Variants in MAST3 observed in about 807,000 individuals in gnomAD.
The protein encoded by MAST3 is microtubule-associated serine/threonine-protein kinase 3.
Under a neutral mutation model 127.0 loss-of-function variants are expected in MAST3, and 43 were observed. The ratio of observed to expected loss-of-function variants is 0.34; its 90% CI spans 0.27 to 0.44. The LOEUF (loss-of-function observed/expected upper bound fraction) is 0.44, where lower values mean the gene tolerates loss of function less well. Among genes scored for constraint, MAST3 ranks in the 20% least tolerant of loss-of-function variants. MAST3 has a pLI of 1.00. For synonymous variants in MAST3, 785 were observed against 809.2 expected (o/e 0.97, Z 0.51); for missense variants, 1,390 against 1,919.1 (o/e 0.72, Z 5.15).
intron 14 of MAST3, among the ~76,000 whole-genome samples, chr19:18,131,154 G>A (rs1296009818): frequency 1.3e-5 from 2 of 152,208 alleles, no homozygotes; most frequent in Non-Finnish European, 2.9e-5. Context: ...GCTGGCTCAC[G>A]CCTGTAGTCC....
rs552032856 is a variant in MAST3, at chr19:18,123,503, C to T, written c.558-77C>T. 15 of 1,470,678 alleles carry T rather than the reference C, an allele frequency of 1.0e-5. No homozygotes were observed. The Admixed American group carries it at 1.6e-4, about 16-fold the overall frequency. 91.1% of individuals were successfully genotyped at this position (1,470,678 alleles called of 1,614,324 possible). Reference sequence around the variant, plus strand: ...AGCCTCTGATTCTTGTCCCTCAACCCTGGCTCAGATCCCCCAACATCCTCC... The same window carrying T: ...AGCCTCTGATTCTTGTCCCTCAACCTTGGCTCAGATCCCCCAACATCCTCC... On this transcript the variant is annotated intron_variant, in intron 7 of 27. Transcript: ENST00000687212.
chr19:18,118,064 C>T (rs2039502468), intron 3 of MAST3: 1 of 982,534 alleles, frequency 1.0e-6, no homozygotes, highest in Non-Finnish European at 1.2e-6. Context: ...GCCCCGTGCG[C>T]CCCCCTCCCT....
intron 1 of MAST3, among the ~76,000 whole-genome samples, chr19:18,104,149 C>A (rs2037865852): frequency 8.2e-6 from 1 of 121,972 alleles, no homozygotes; most frequent in Non-Finnish European, 1.6e-5. Context: ...CACTGCATTC[C>A]AGTCTGGGCG....
chr19:18,146,755 G>A, intron 25 of MAST3, 126 bp from the exon 26 acceptor site: 4 of 850,388 alleles, frequency 4.7e-6, no homozygotes, highest in Admixed American at 2.9e-5. Context: ...CTGGTTGTGT[G>A]GATGAATGGA....
intron 1 of MAST3, among the ~76,000 whole-genome samples, chr19:18,105,872 GC>G (rs1393178191): frequency 5.3e-5 from 8 of 151,946 alleles, no homozygotes; most frequent in African/African-American, 1.9e-4. Flanking sequence ...TCCTCCCCAC[GC>G]CCCCACTGGT....
chr19:18,145,045 G>T lies in MAST3; in HGVS notation c.2855G>T (p.Arg952Leu), dbSNP rs534960068. The change falls in exon 24 of 28, where the codon CGC (arginine) becomes CTC (leucine). Residue 952 changes from arginine (R) to leucine (L), a missense_variant. This residue lies in a region of MAST3 where 816 missense variants were observed against 934.1 expected (regional missense o/e 0.87). Coordinates refer to ENST00000687212, the MANE Select transcript of MAST3 (RefSeq NM_001393504.1). The surrounding 1 kb of genome is among the most constrained non-coding windows in gnomAD (Gnocchi z 5.9). Reference sequence around the variant, plus strand: ...CCCCTCATGAGCCCCCTTTCCCCGCGCTCTCTGTCCTCGAACCCGTCGTCC... The same window carrying T: ...CCCCTCATGAGCCCCCTTTCCCCGCTCTCTCTGTCCTCGAACCCGTCGTCC... The part of the protein sequence containing the change: ...GGPLMSPLSP[R>L]SLSSNPSSRD... 6.2e-7 allele frequency: 1 copy of T among 1,608,498 alleles called. No individual in the cohort carries two copies. Among genetic ancestry groups the T allele is most frequent in the South Asian group, 1.1e-5 (1 of 90,942 alleles).
intron 25 of MAST3, among the ~76,000 whole-genome samples, 174 bp downstream of exon 25, chr19:18,146,039 A>G (rs1260544050): frequency 6.6e-6 from 1 of 151,916 alleles, no homozygotes; most frequent in Non-Finnish European, 1.5e-5. Flanking sequence ...AGCCCCCAAC[A>G]TCACCCCTTA....
chr19:18,119,544 G>A (rs2147124587), intron 3 of MAST3, among the ~76,000 whole-genome samples: 1 of 152,362 alleles, frequency 6.6e-6, no homozygotes, highest in African/African-American at 2.4e-5. Context: ...CCAACTCTGG[G>A]GCTTGTTGGA....
chr19:18,130,831 C>T (rs192077982), intron 14 of MAST3, 129 bp downstream of exon 14: 4 of 931,022 alleles, frequency 4.3e-6, no homozygotes, highest in East Asian at 5.3e-5. Flanking sequence ...TTGGGGAACC[C>T]TCAGGAACCC....
At chr19:18,130,325 C>G (rs2041140541) in intron 13 of MAST3, among the ~76,000 whole-genome samples, 169 bp from the exon 14 acceptor site, 2 of 152,126 alleles carry the variant, frequency 1.3e-5, no homozygotes, top group Admixed American at 1.3e-4. Context: ...GGCTTAAACC[C>G]AAAGGTGGCT....
At chr19:18,132,624 G>A (rs1423345792) in intron 15 of MAST3, among the ~76,000 whole-genome samples, 1 of 152,120 alleles carries the variant, frequency 6.6e-6, no homozygotes. Context: ...GACCCTCTGT[G>A]GGCAACTGGG....
intron 27 of MAST3, among the ~76,000 whole-genome samples, chr19:18,148,523 AG>A (rs2043265592): frequency 6.6e-6 from 1 of 151,858 alleles, no homozygotes; most frequent in African/African-American, 2.4e-5. Flanking sequence ...TTTCTGGAGG[AG>A]GGGGAGTAGG....
intron 1 of MAST3, among the ~76,000 whole-genome samples, chr19:18,100,353 T>C (rs1448151511): frequency 6.6e-6 from 1 of 151,878 alleles, no homozygotes; most frequent in Non-Finnish European, 1.5e-5. Flanking sequence ...ATCAAACTCC[T>C]GATCTCAGGT....
At chr19:18,102,394 G>C (rs1246762743) in intron 1 of MAST3, among the ~76,000 whole-genome samples, 2 of 150,118 alleles carry the variant, frequency 1.3e-5, no homozygotes, top group Non-Finnish European at 3.0e-5. Context: ...GGTCAGGCTG[G>C]TCTCGAACTC....
chr19:18,130,187 G>T (rs747003879), intron 13 of MAST3, among the ~76,000 whole-genome samples: 3 of 152,178 alleles, frequency 2.0e-5, no homozygotes, highest in Non-Finnish European at 4.4e-5. Flanking sequence ...CTGTGCTCCA[G>T]CCTGGGCAAC....
At chr19:18,107,884 A>C (rs1160620038) in intron 2 of MAST3, among the ~76,000 whole-genome samples, 2 of 152,150 alleles carry the variant, frequency 1.3e-5, no homozygotes, top group African/African-American at 2.4e-5. Context: ...GAAGGAGAGA[A>C]ACTTGTCTGG....
chr19:18,139,169 A>G (rs1165730553), intron 20 of MAST3, 45 bp downstream of exon 20: 1 of 1,350,082 alleles, frequency 7.4e-7, no homozygotes, highest in African/African-American at 1.4e-5. Flanking sequence ...AAAACATTGC[A>G]TGATGTCTGT....
intron 20 of MAST3, among the ~76,000 whole-genome samples, chr19:18,139,398 C>G (rs1398820410): frequency 3.9e-5 from 6 of 152,174 alleles, no homozygotes; most frequent in African/African-American, 1.4e-4. Context: ...AGTCTCGGCT[C>G]ACCGCAACCT....
At chr19:18,133,799 C>A (rs1349374799) in intron 15 of MAST3, among the ~76,000 whole-genome samples, 1 of 152,022 alleles carries the variant, frequency 6.6e-6, no homozygotes, top group African/African-American at 2.4e-5. Context: ...GGTGATCTGC[C>A]GGCTTCGGCC....
Sources: gnomAD v4.1 joint callset for allele counts (sites outside exome capture counted in the v4.1 genomes callset) on GRCh38, gnomAD v4.1.1 for gene constraint, gnomAD v4.1.1 regional missense constraint, Gnocchi (gnomAD v3.1) non-coding constraint, MANE v1.5 for transcripts, NCBI Gene and HGNC (gene_info 2026-07-23, HGNC 2026-07-21) for gene names.